Variants in TDRD5 observed in about 807,000 individuals in gnomAD.
The protein encoded by TDRD5 is tudor domain-containing protein 5.
Under a neutral mutation model 120.6 loss-of-function variants are expected in TDRD5, and 41 were observed. The ratio of observed to expected loss-of-function variants is 0.34; its 90% CI spans 0.26 to 0.44. The LOEUF is 0.44. TDRD5 is among the 20% of genes least tolerant of loss of function. The pLI is 1.00. For missense variants in TDRD5, 1,006 were observed against 1,221.2 expected (o/e 0.82, Z 2.63); for synonymous variants, 430 against 433.7 (o/e 0.99, Z 0.11).
intron 5 of TDRD5, among the ~76,000 whole-genome samples, chr1:179,620,817 C>A (rs1162562420): frequency 2.0e-5 from 3 of 151,956 alleles, no homozygotes; most frequent in Admixed American, 2.0e-4. Flanking sequence ...ATGTAATAAT[C>A]ATTTCTCAAC....
chr1:179,667,433 T>A (rs778142151), intron 16 of TDRD5, among the ~76,000 whole-genome samples: 59 of 152,320 alleles, frequency 3.9e-4, no homozygotes, highest in Non-Finnish European at 6.0e-4. Context: ...AAAGCACTGG[T>A]CTGTGAGTGC....
chr1:179,690,660 C>A, intron 17 of TDRD5, 36 bp from the exon 18 acceptor site: 1 of 1,598,884 alleles, frequency 6.3e-7, no homozygotes, highest in South Asian at 1.1e-5. Context: ...TATGAGTACC[C>A]CTTGAAAAGA....
chr1:179,645,076 C>CTTTTTT (rs71569261), intron 11 of TDRD5, among the ~76,000 whole-genome samples: 5 of 99,592 alleles, frequency 5.0e-5, no homozygotes, highest in Non-Finnish European at 1.0e-4. Flanking sequence ...AAACATTTTT[C>CTTTTTT]TTTTTTTTTT....
chr1:179,618,268 T>G (rs1455637235), intron 4 of TDRD5, among the ~76,000 whole-genome samples: 2 of 152,248 alleles, frequency 1.3e-5, no homozygotes, highest in African/African-American at 4.8e-5. Flanking sequence ...TCAATAAACA[T>G]GGAGTACTTT....
chr1:179,677,855 C>T (rs1680216697), intron 17 of TDRD5, among the ~76,000 whole-genome samples: 1 of 152,062 alleles, frequency 6.6e-6, no homozygotes, highest in African/African-American at 2.4e-5. Context: ...GTGGTGCTTT[C>T]AAAAGTACAT....
intron 17 of TDRD5, among the ~76,000 whole-genome samples, chr1:179,677,845 G>A (rs1214052581): frequency 2.0e-5 from 3 of 152,096 alleles, no homozygotes; most frequent in Non-Finnish European, 4.4e-5. Context: ...CAGCCAGGAG[G>A]TGGTGCTTTC....
intron 4 of TDRD5, among the ~76,000 whole-genome samples, chr1:179,607,705 T>G (rs1676050302): frequency 1.3e-5 from 2 of 152,118 alleles, no homozygotes; most frequent in African/African-American, 4.8e-5. Flanking sequence ...CTTTGTGCTC[T>G]TATTGTGATA....
At chr1:179,600,927 AT>A (rs1675669483) in intron 4 of TDRD5, among the ~76,000 whole-genome samples, 1 of 151,986 alleles carries the variant, frequency 6.6e-6, no homozygotes, top group African/African-American at 2.4e-5. Flanking sequence ...ATATTTGGGG[AT>A]TTTTTTCAGA....
At chr1:179,650,164 G>T (rs186097665) in intron 11 of TDRD5, among the ~76,000 whole-genome samples, 89 of 152,172 alleles carry the variant, frequency 5.8e-4, no homozygotes, top group Non-Finnish European at 9.7e-4. Flanking sequence ...ACCTTGGGAG[G>T]CCAAGGCAGG....
At chr1:179,666,804 G>A (rs1415345032) in intron 16 of TDRD5, among the ~76,000 whole-genome samples, 1 of 152,168 alleles carries the variant, frequency 6.6e-6, no homozygotes, top group African/African-American at 2.4e-5. Context: ...AACATTTGCT[G>A]TTCTTGCCAA....
At chr1:179,628,280 G>T (rs1677237454) in intron 6 of TDRD5, among the ~76,000 whole-genome samples, 1 of 150,634 alleles carries the variant, frequency 6.6e-6, no homozygotes, top group African/African-American at 2.4e-5. Flanking sequence ...AAGGAGGGTG[G>T]GAGTAGAAAT....
chr1:179,688,875 T>C (rs1393485758), intron 17 of TDRD5, among the ~76,000 whole-genome samples: 1 of 152,242 alleles, frequency 6.6e-6, no homozygotes, highest in Non-Finnish European at 1.5e-5. Flanking sequence ...GCAGTTCTCA[T>C]ACCATGGTTT....
At chr1:179,647,961 G>C (rs972280170) in intron 11 of TDRD5, among the ~76,000 whole-genome samples, 13 of 151,960 alleles carry the variant, frequency 8.6e-5, no homozygotes, top group Non-Finnish European at 1.8e-4. Flanking sequence ...GTGCTGGAGA[G>C]GATGTGGAGA....
chr1:179,679,396 G>T (rs541920262), intron 17 of TDRD5, among the ~76,000 whole-genome samples: 1 of 152,082 alleles, frequency 6.6e-6, no homozygotes, highest in Non-Finnish European at 1.5e-5. Context: ...GTTGGGAAGT[G>T]TTTCCTCCTC....
intron 11 of TDRD5, among the ~76,000 whole-genome samples, chr1:179,648,601 A>T (rs1305085878): frequency 6.6e-6 from 1 of 151,800 alleles, no homozygotes; most frequent in Non-Finnish European, 1.5e-5. Flanking sequence ...TAATAATAAA[A>T]AAAAAAAGAA....
At chr1:179,597,332 CTTTTTTTT>C (rs945509784) in intron 4 of TDRD5, among the ~76,000 whole-genome samples, 588 of 125,568 alleles carry the variant, frequency 4.7e-3, no homozygotes, top group Non-Finnish European at 6.7e-3. Flanking sequence ...TTCTTTTTTT[CTTTTTTTT>C]TTTTTTTTTG....
In TDRD5 at chr1:179,630,725, T is replaced by C. The variant is rs1422253158; in HGVS notation, c.973-42T>C. ...ACAACTATATATGTTATATATCTGT[T>C]ATCTAATGCTGTTTCATGTAATTTC... On this transcript the variant is annotated intron_variant, in intron 6 of 17. Coordinates refer to ENST00000444136, the MANE Select transcript of TDRD5 (RefSeq NM_001199085.3). 7 of 1,592,786 alleles carry C rather than the reference T, an allele frequency of 4.4e-6. No individual in the cohort carries two copies. In the African/African-American group the frequency reaches 9.5e-5, roughly 22 times the overall value.
chr1:179,662,588 A>G (rs1679370670), intron 15 of TDRD5, among the ~76,000 whole-genome samples: 1 of 151,928 alleles, frequency 6.6e-6, no homozygotes, highest in Admixed American at 6.6e-5. Flanking sequence ...ACAGAGTAAG[A>G]CCCTATCTAA....
intron 16 of TDRD5, among the ~76,000 whole-genome samples, chr1:179,668,986 C>T (rs547808082): frequency 2.3e-4 from 35 of 152,014 alleles, no homozygotes; most frequent in African/African-American, 5.8e-4. Context: ...CCTCGTGATC[C>T]GCCCGCCTCG....
Sources: gnomAD v4.1 joint callset for allele counts (sites outside exome capture counted in the v4.1 genomes callset) on GRCh38, gnomAD v4.1.1 for gene constraint, MANE v1.5 for transcripts, NCBI Gene and HGNC (gene_info 2026-07-23, HGNC 2026-07-21) for gene names.